The following ADSS1 variants were observed in gnomAD, a reference collection of about 807,000 sequenced individuals.
The protein encoded by ADSS1 is adenylosuccinate synthase 1, also known as adenylosuccinate synthetase isozyme 1.
In ADSS1, 57 loss-of-function variants were observed where a neutral mutation model predicts 59.1. The ratio of observed to expected loss-of-function variants is 0.97; its 90% CI spans 0.78 to 1.20. The LOEUF (loss-of-function observed/expected upper bound fraction) is 1.20, where lower values mean the gene tolerates loss of function less well. Ranked by LOEUF, ADSS1 falls within the 50% of genes most tolerant of loss-of-function variation. ADSS1 has a pLI of 0.00. For missense variants in ADSS1, 603 were observed against 610.3 expected (o/e 0.99, Z 0.13); for synonymous variants, 247 against 249.4 (o/e 0.99, Z 0.09).
chr14:104,739,656 A>T lies in ADSS1; in HGVS notation c.410-94A>T, dbSNP rs533859824. The T allele has an allele frequency of 4.5e-4, 619 of 1,385,966 alleles. 4 individuals carry two copies. In the Middle Eastern group the frequency reaches 7.6e-3, roughly 17 times the overall value. The allele number at this position is 1,385,966 out of a possible 1,614,324, so 85.9% of individuals were successfully genotyped here. ...AAATCTCAACCACCCCCTTCCCAGGAGACTCAGGCCAGCAGGAGGTGAGGT... is the reference window on the plus strand; with the variant it reads ...AAATCTCAACCACCCCCTTCCCAGGTGACTCAGGCCAGCAGGAGGTGAGGT... On this transcript the variant is annotated intron_variant, in intron 4 of 12. Coordinates refer to ENST00000330877, the MANE Select transcript of ADSS1 (RefSeq NM_152328.5).
At position 104,740,995 on chromosome 14, in the gene ADSS1, T is replaced by G; in HGVS notation, c.666+75T>G. ...GGCTGGATGTCCTACCTGGTGCTCG[T>G]TGAACACCCTTGGGGCACACCTGAT... On this transcript the variant is annotated intron_variant, in intron 7 of 12. Coordinates refer to ENST00000330877, the MANE Select transcript of ADSS1 (RefSeq NM_152328.5). The surrounding 1 kb of genome is among the most constrained non-coding windows in gnomAD (Gnocchi z 4.8). 1 of 1,607,718 alleles carries G rather than the reference T, an allele frequency of 6.2e-7. No individual in the cohort carries two copies. The highest frequency in any genetic ancestry group is 8.5e-7 in the Non-Finnish European group (1 of 1,175,334).
At position 104,729,096 on chromosome 14, in the gene ADSS1, A is replaced by G. The variant is rs575994177; in HGVS notation, c.192+4634A>G. Among the ~76,000 whole-genome samples, 3 of 152,220 alleles carry G rather than the reference A, an allele frequency of 2.0e-5. No individual in the cohort carries two copies. The South Asian group carries it at 6.2e-4, about 32-fold the overall frequency. On this transcript the variant is annotated intron_variant, in intron 1 of 12. Coordinates refer to ENST00000330877, the MANE Select transcript of ADSS1 (RefSeq NM_152328.5). ...AGGTAGGGCTGACGATGGGGGCTGC[A>G]TTGCAGGGGAGAAAGGGGCCTCCTT...
In ADSS1 at chr14:104,740,908, C is replaced by G. The variant is rs202160058; in HGVS notation, c.654C>G (p.Leu218=). ...TGGAAATAGACATTGAAGGCCAACT[C>G]AAAAGGCTCAAGGTGAAGTCGGGGC... ...PTLEIDIEGQ[L]KRLKGFAERI... The change falls in exon 7 of 13, where the codon CTC becomes CTG. Residue 218 remains leucine (L), a synonymous_variant. Coordinates refer to ENST00000330877, the MANE Select transcript of ADSS1 (RefSeq NM_152328.5). The surrounding 1 kb of genome is among the most constrained non-coding windows in gnomAD (Gnocchi z 4.8). 38 of 1,613,964 alleles carry G rather than the reference C, an allele frequency of 2.4e-5. No individual in the cohort carries two copies. Among genetic ancestry groups the G allele is most frequent in the Non-Finnish European group, 3.0e-5 (35 of 1,180,028 alleles).
intron 10 of ADSS1, chr14:104,743,590 C>A: frequency 5.2e-6 from 1 of 191,152 alleles, no homozygotes; most frequent in Non-Finnish European, 1.1e-5. Context: ...TTTCCACAGA[C>A]TGACCCAGGC....
At chr14:104,724,874 T>G (rs1890675021) in intron 1 of ADSS1, among the ~76,000 whole-genome samples, 1 of 152,026 alleles carries the variant, frequency 6.6e-6, no homozygotes, top group Non-Finnish European at 1.5e-5. Flanking sequence ...AGTGATCACC[T>G]GGGGCCTGTC....
intron 2 of ADSS1, chr14:104,737,223 C>G (rs183373306): frequency 6.6e-6 from 1 of 152,098 alleles, no homozygotes; most frequent in Non-Finnish European, 1.5e-5. Context: ...CTAAAACCCC[C>G]GAGCTCCACC....
At chr14:104,730,648 T>G (rs1348539688) in intron 1 of ADSS1, among the ~76,000 whole-genome samples, 2 of 151,726 alleles carry the variant, frequency 1.3e-5, no homozygotes, top group Non-Finnish European at 2.9e-5. Context: ...CCAGCAATGG[T>G]GGGAGGACTG....
intron 1 of ADSS1, among the ~76,000 whole-genome samples, chr14:104,728,122 G>A (rs1015278369): frequency 6.6e-6 from 1 of 152,156 alleles, no homozygotes; most frequent in African/African-American, 2.4e-5. Context: ...GTGCATTGAG[G>A]GCCCCTGTGC....
chr14:104,730,626 T>C (rs1466985692), intron 1 of ADSS1, among the ~76,000 whole-genome samples: 1 of 152,064 alleles, frequency 6.6e-6, no homozygotes, highest in Non-Finnish European at 1.5e-5. Flanking sequence ...ATATATAAAA[T>C]GCCTGGAGGG....
At chr14:104,743,476 G>A in intron 10 of ADSS1, 1 of 379,846 alleles carries the variant, frequency 2.6e-6, no homozygotes, top group Middle Eastern at 8.3e-4. Flanking sequence ...GCTTCATGTG[G>A]AGAGCGGAAG....
At chr14:104,727,884 G>A (rs540756771) in intron 1 of ADSS1, among the ~76,000 whole-genome samples, 1 of 152,316 alleles carries the variant, frequency 6.6e-6, no homozygotes, top group Non-Finnish European at 1.5e-5. Flanking sequence ...CTGCAGTGCT[G>A]ACCTCAGGGC....
chr14:104,740,479 C>A lies in ADSS1; in HGVS notation c.477-122C>A. ...CACACGCACACACTCACAGCTCAGC[C>A]AGACACAGGCAGCAATGGTGGGCAC... On this transcript the variant is annotated intron_variant, in intron 5 of 12. Coordinates refer to ENST00000330877, the MANE Select transcript of ADSS1 (RefSeq NM_152328.5). The surrounding 1 kb of genome is among the most constrained non-coding windows in gnomAD (Gnocchi z 4.8). 1 of 832,780 alleles carries A rather than the reference C, an allele frequency of 1.2e-6. No homozygotes were observed. The highest frequency in any genetic ancestry group is 2.0e-6 in the Non-Finnish European group (1 of 511,790). 51.6% of individuals were successfully genotyped at this position (832,780 alleles called of 1,614,324 possible).
At chr14:104,746,805 A>T in intron 12 of ADSS1, 146 bp from the exon 13 acceptor site, 1 of 809,678 alleles carries the variant, frequency 1.2e-6, no homozygotes, top group Non-Finnish European at 2.0e-6. Context: ...TACCTTCATA[A>T]CTTAAAAATT....
Position 104,739,397 on chromosome 14 carries a change from T to C in ADSS1, c.409+19T>C. The C allele has an allele frequency of 6.3e-7, 1 of 1,596,432 alleles. No individual in the cohort carries two copies. The highest frequency in any genetic ancestry group is 8.5e-7 in the Non-Finnish European group (1 of 1,172,022). ...CACCTTGGTACGTTTCCCACTGGAG[T>C]ACAGGGAACAGCCCCTCCTGCCCCC... is the stretch of plus-strand genomic sequence containing the variant. On this transcript the variant is annotated intron_variant, in intron 4 of 12. Coordinates refer to ENST00000330877, the MANE Select transcript of ADSS1 (RefSeq NM_152328.5).
intron 10 of ADSS1, 161 bp downstream of exon 10, chr14:104,743,352 G>A (rs555982307): frequency 2.6e-5 from 28 of 1,064,036 alleles, no homozygotes; most frequent in Middle Eastern, 2.1e-4. Context: ...AGAGGTTAGC[G>A]GTATGGAGGC....
chr14:104,729,472 A>ATGGCGTCGGCGTGGGAGGGAGGAGG (rs1890819818), intron 1 of ADSS1, among the ~76,000 whole-genome samples: 2 of 139,718 alleles, frequency 1.4e-5, no homozygotes, highest in Non-Finnish European at 3.2e-5. Context: ...TGTCAGCAGC[A>ATGGCGTCGGCGTGGGAGGGAGGAGG]TGGCGTCGGC....
chr14:104,736,048 T>C (rs1001784202), intron 2 of ADSS1, among the ~76,000 whole-genome samples: 6 of 152,164 alleles, frequency 3.9e-5, no homozygotes, highest in East Asian at 1.9e-4. Context: ...ACCCATTCAA[T>C]GTGAGCAGAG....
chr14:104,743,252 G>T, intron 10 of ADSS1, 61 bp downstream of exon 10: 3 of 1,591,096 alleles, frequency 1.9e-6, no homozygotes, highest in Non-Finnish European at 2.6e-6. Context: ...ACCTGCAGAG[G>T]CAAGCAGCAC....
At position 104,745,004 on chromosome 14, in the gene ADSS1, A is replaced by G. The variant is rs886550335; in HGVS notation, c.1171+95A>G. 24 of 1,075,552 alleles carry G rather than the reference A, an allele frequency of 2.2e-5. No individual in the cohort carries two copies. The African/African-American group carries it at 2.6e-4, about 12-fold the overall frequency. The allele number at this position is 1,075,552 out of a possible 1,614,324, so 66.6% of individuals were successfully genotyped here. A position where few individuals can be genotyped will look rare whatever the true frequency, so the allele number is the denominator to read the frequency against. The stretch of plus-strand genomic sequence containing the variant: ...ACTTCTCAGAGAGGGGTGAGTTCCC[A>G]CGTTCACAGGACACAGGGCAAGCAG... On this transcript the variant is annotated intron_variant, in intron 11 of 12. Coordinates refer to ENST00000330877, the MANE Select transcript of ADSS1 (RefSeq NM_152328.5).
Sources: allele counts gnomAD v4.1 joint callset (sites outside exome capture counted in the v4.1 genomes callset), GRCh38; gene constraint gnomAD v4.1.1; non-coding constraint Gnocchi (gnomAD v3.1); transcripts MANE v1.5; gene names NCBI Gene and HGNC (gene_info 2026-07-23, HGNC 2026-07-21).